Variants in ATP2A1 observed in about 807,000 individuals in gnomAD.
ATP2A1 encodes the protein sarcoplasmic/endoplasmic reticulum calcium ATPase 1.
Under a neutral mutation model 109.5 loss-of-function variants are expected in ATP2A1, and 83 were observed. The ratio of observed to expected loss-of-function variants is 0.76; its 90% CI spans 0.63 to 0.91. The LOEUF (loss-of-function observed/expected upper bound fraction) is 0.91, where lower values mean the gene tolerates loss of function less well. ATP2A1 is among the 40% of genes least tolerant of loss of function. The pLI is 0.00. For synonymous variants in ATP2A1, 505 were observed against 537.6 expected (o/e 0.94, Z 0.84); for missense variants, 1,101 against 1,341.0 (o/e 0.82, Z 2.80).
rs142994822 is a variant in ATP2A1 at position 28,898,999 on chromosome 16, A to AAC, written c.1764+566_1764+567dup. Among the ~76,000 whole-genome samples, 3,328 of 150,604 alleles carry AAC rather than the reference A, an allele frequency of 0.022. 117 individuals are homozygous for AAC. The highest frequency in any genetic ancestry group is 0.072 in the African/African-American group (2,944 of 41,066). ...CCTGTCTCTAAAAACAAAAAACAAA[A>AAC]ACACACACACACACACACAAAAGAG... On this transcript the variant is annotated intron_variant, in intron 14 of 22. Transcript: ENST00000395503. The surrounding 1 kb of genome is among the most constrained non-coding windows in gnomAD (Gnocchi z 4.0).
chr16:28,903,676 G>A lies in ATP2A1; in HGVS notation c.2981-24G>A, dbSNP rs760841402. 22 of 1,609,296 alleles carry A rather than the reference G, an allele frequency of 1.4e-5. No homozygotes were observed. Among genetic ancestry groups the A allele is most frequent in the East Asian group, 2.2e-5 (1 of 44,842 alleles). On this transcript the variant is annotated intron_variant, in intron 21 of 22. Transcript: ENST00000395503. The surrounding 1 kb of genome is among the most constrained non-coding windows in gnomAD (Gnocchi z 5.6). ...GCCACCTCCCTGCCTTGATAACAGTGCCTCTTGTCCTCTCTGGCCATAGGA... is the reference window on the plus strand; with the variant it reads ...GCCACCTCCCTGCCTTGATAACAGTACCTCTTGTCCTCTCTGGCCATAGGA...
Position 28,880,068 on chromosome 16 carries a change from T to G in ATP2A1, c.219+485T>G. 1 of 1,004,266 alleles carries G rather than the reference T, an allele frequency of 1.0e-6. No individual in the cohort carries two copies. 62.2% of individuals were successfully genotyped at this position (1,004,266 alleles called of 1,614,324 possible). A position where few individuals can be genotyped will look rare whatever the true frequency, so the allele number is the denominator to read the frequency against. On this transcript the variant is annotated intron_variant, in intron 3 of 22. Transcript: ENST00000395503. This position sits in a 1 kb window ranked among gnomAD's most constrained non-coding sequence, Gnocchi z 4.2. Reference sequence around the variant, plus strand: ...GTGGCGGGAAAGCGCGGCGGTGTGATGATGACTCCAAGGAGCCCGGCGCCC... The same window carrying G: ...GTGGCGGGAAAGCGCGGCGGTGTGAGGATGACTCCAAGGAGCCCGGCGCCC...
chr16:28,900,606 T>C lies in ATP2A1; in HGVS notation c.1790T>C (p.Val597Ala), dbSNP rs1964045124. ...YETDLTFVGV[V>A]GMLDPPRKEV... ...ACGGACCTGACATTCGTGGGTGTAG[T>C]GGGCATGCTGGACCCTCCGCGCAAG... The change falls in exon 15 of 23, where the codon GTG (valine) becomes GCG (alanine). Residue 597 changes from valine (V) to alanine (A), a missense_variant. Val to Ala is a moderately conservative substitution (Grantham distance 64). Transcript: ENST00000395503. 2 of 1,577,176 alleles carry C rather than the reference T, an allele frequency of 1.3e-6. No homozygotes were observed. Among genetic ancestry groups the C allele is most frequent in the African/African-American group, 1.3e-5 (1 of 74,448 alleles).
chr16:28,882,241 G>A (rs1250086193), intron 4 of ATP2A1, among the ~76,000 whole-genome samples: 1 of 151,624 alleles, frequency 6.6e-6, no homozygotes, highest in African/African-American at 2.4e-5. Flanking sequence ...TTACAGGCGT[G>A]AGTCACCATG....
rs1177359868 is a variant in ATP2A1, at chr16:28,878,625, C to T, written c.-47C>T. On this transcript the variant is annotated 5_prime_UTR_variant, in exon 1 of 23. Transcript: ENST00000395503. ...GAGGAAGACCCCCCACGAGTGGGAA[C>T]CCCCTGGAAGGAACACACCGGCCCC... is the stretch of plus-strand genomic sequence containing the variant. The T allele has an allele frequency of 2.7e-6, 4 of 1,507,398 alleles. No homozygotes were observed. The highest frequency in any genetic ancestry group is 3.8e-5 in the Admixed American group (2 of 51,996). 93.4% of individuals were successfully genotyped at this position (1,507,398 alleles called of 1,614,324 possible).
Position 28,898,599 on chromosome 16 carries a change from T to A in ATP2A1, c.1764+148T>A. 1 of 995,322 alleles carries A rather than the reference T, an allele frequency of 1.0e-6. No homozygotes were observed. The highest frequency in any genetic ancestry group is 1.6e-5 in the African/African-American group (1 of 61,912). 61.7% of individuals were successfully genotyped at this position (995,322 alleles called of 1,614,324 possible). Reference sequence around the variant, plus strand: ...TACAGGCCATGGAATCACAGGACAGTAGAGTTTCAGAGAACCTTGGGAGGC... The same window carrying A: ...TACAGGCCATGGAATCACAGGACAGAAGAGTTTCAGAGAACCTTGGGAGGC... On this transcript the variant is annotated intron_variant, in intron 14 of 22. Transcript: ENST00000395503. The surrounding 1 kb of genome is among the most constrained non-coding windows in gnomAD (Gnocchi z 4.0).
At chr16:28,888,565 C>T (rs1285011904) in intron 8 of ATP2A1, among the ~76,000 whole-genome samples, 1 of 151,928 alleles carries the variant, frequency 6.6e-6, no homozygotes, top group Non-Finnish European at 1.5e-5. Flanking sequence ...ATCACCACCA[C>T]ACCCAGCTAA....
Position 28,898,343 on chromosome 16 carries a change from G to A in ATP2A1, c.1656G>A (p.Trp552Ter). The change falls in exon 14 of 23, where the codon TGG (tryptophan) becomes TGA (stop). Residue 552 changes from tryptophan (W) to a stop codon, truncating the protein, a stop_gained. Coordinates refer to ENST00000395503, the MANE Select transcript of ATP2A1 (RefSeq NM_004320.6). LOFTEE classifies it high-confidence loss of function. This position sits in a 1 kb window ranked among gnomAD's most constrained non-coding sequence, Gnocchi z 4.0. ...KEKIMAVIKE[W>*]GTGRDTLRCL... ...AGATCATGGCGGTGATCAAGGAGTG[G>A]GGCACTGGCCGGGACACCCTGCGCT... The A allele has an allele frequency of 6.2e-7, 1 of 1,614,206 alleles. No individual in the cohort carries two copies. Among genetic ancestry groups the A allele is most frequent in the Non-Finnish European group, 8.5e-7 (1 of 1,180,046 alleles).
rs202155490 is a variant in ATP2A1 at position 28,884,627 on chromosome 16, G to C, written c.516G>C (p.Thr172=). 4.3e-6 allele frequency: 7 copies of C among 1,613,722 alleles called. No individual in the cohort carries two copies. The highest frequency in any genetic ancestry group is 3.3e-4 in the Middle Eastern group (2 of 6,062). ...GAATCCTCGCCATCAAATCCACCACGCTGCGGGTTGACCAGTCCATCCTGA... is the reference window on the plus strand; with the variant it reads ...GAATCCTCGCCATCAAATCCACCACCCTGCGGGTTGACCAGTCCATCCTGA... ...DIRILAIKST[T]LRVDQSILTG... The change falls in exon 6 of 23, where the codon ACG becomes ACC. Residue 172 remains threonine, a synonymous_variant. Coordinates refer to ENST00000395503, the MANE Select transcript of ATP2A1 (RefSeq NM_004320.6).
chr16:28,886,484 G>A (rs1963615902), intron 6 of ATP2A1, among the ~76,000 whole-genome samples: 1 of 152,144 alleles, frequency 6.6e-6, no homozygotes, highest in African/African-American at 2.4e-5. Context: ...AGGGAGGCAT[G>A]GTCGTAAGTG....
At position 28,894,304 on chromosome 16, in the gene ATP2A1, C is replaced by T; in HGVS notation, c.1184+61C>T. 5.3e-6 allele frequency: 8 copies of T among 1,513,090 alleles called. No individual in the cohort carries two copies. In the South Asian group the frequency reaches 9.2e-5, roughly 17 times the overall value. 93.7% of individuals were successfully genotyped at this position (1,513,090 alleles called of 1,614,324 possible). A position where few individuals can be genotyped will look rare whatever the true frequency, so the allele number is the denominator to read the frequency against. On this transcript the variant is annotated intron_variant, in intron 10 of 22. Coordinates refer to ENST00000395503, the MANE Select transcript of ATP2A1 (RefSeq NM_004320.6). ...CGCCCCTTCCCACACCCCCTTTCTC[C>T]CTGGGGCCCTCCATGTGGTTTTGCT... is the stretch of plus-strand genomic sequence containing the variant.
chr16:28,878,779 C>A lies in ATP2A1; in HGVS notation c.108C>A (p.Tyr36Ter). 2 of 1,613,898 alleles carry A rather than the reference C, an allele frequency of 1.2e-6. No homozygotes were observed. Among genetic ancestry groups the A allele is most frequent in the Non-Finnish European group, 1.7e-6 (2 of 1,179,900 alleles). The change falls in exon 1 of 23, where the codon TAC (tyrosine) becomes TAA (stop). Residue 36 changes from tyrosine to a stop codon, truncating the protein, a stop_gained. Coordinates refer to ENST00000395503, the MANE Select transcript of ATP2A1 (RefSeq NM_004320.6). LOFTEE classifies it high-confidence loss of function. ...PDQVKRNLEK[Y>*]GLNELPAEEG... ...AAGTTAAGCGGAATCTGGAGAAATACGGCCTCAATGGTAAGTGTCCCTTGG... is the reference window on the plus strand; with the variant it reads ...AAGTTAAGCGGAATCTGGAGAAATAAGGCCTCAATGGTAAGTGTCCCTTGG...
At chr16:28,890,335 G>A (rs1963734873) in intron 9 of ATP2A1, among the ~76,000 whole-genome samples, 1 of 149,854 alleles carries the variant, frequency 6.7e-6, no homozygotes, top group Non-Finnish European at 1.5e-5. Context: ...ATGTGGTGGT[G>A]CACACTTGTA....
chr16:28,879,869 G>A, intron 3 of ATP2A1: 1 of 576,988 alleles, frequency 1.7e-6, no homozygotes, highest in Non-Finnish European at 2.5e-6. Context: ...TTACCCACCC[G>A]AACTCCGGGC....
chr16:28,903,711 C>T lies in ATP2A1; in HGVS notation c.*7C>T. 1.9e-6 allele frequency: 3 copies of T among 1,613,564 alleles called. No individual in the cohort carries two copies. Among genetic ancestry groups the T allele is most frequent in the East Asian group, 2.2e-5 (1 of 44,864 alleles). ...CTCTCTGGCCATAGGATAACTGTTCCCCCTCCTCCATCTCTGAGCCCGTGT... is the reference window on the plus strand; with the variant it reads ...CTCTCTGGCCATAGGATAACTGTTCTCCCTCCTCCATCTCTGAGCCCGTGT... On this transcript the variant is annotated 3_prime_UTR_variant, in exon 22 of 23. Transcript: ENST00000395503. The surrounding 1 kb of genome is among the most constrained non-coding windows in gnomAD (Gnocchi z 5.6).
chr16:28,902,528 A>G lies in ATP2A1; in HGVS notation c.2525-52A>G. The stretch of plus-strand genomic sequence containing the variant: ...GGCCACATGAGGCCCTCAACCCTCG[A>G]TGCCCCCTATCTCCCCAGCCCTGAC... On this transcript the variant is annotated intron_variant, in intron 17 of 22. Transcript: ENST00000395503. The surrounding 1 kb of genome is among the most constrained non-coding windows in gnomAD (Gnocchi z 4.8). The G allele has an allele frequency of 6.3e-7, 1 of 1,591,560 alleles. No homozygotes were observed. The highest frequency in any genetic ancestry group is 8.6e-7 in the Non-Finnish European group (1 of 1,163,180).
chr16:28,882,498 A>C lies in ATP2A1; in HGVS notation c.372A>C (p.Pro124=), dbSNP rs376226293. 1.9e-6 allele frequency: 3 copies of C among 1,614,100 alleles called. No homozygotes were observed. Among genetic ancestry groups the C allele is most frequent in the Non-Finnish European group, 2.5e-6 (3 of 1,180,038 alleles). The change falls in exon 5 of 23, where the codon CCA becomes CCC. Residue 124 remains proline (P), a synonymous_variant. Transcript: ENST00000395503. The part of the protein sequence containing the change: ...NAIEALKEYE[P]EMGKVYRADR... ...TCGAGGCCCTGAAGGAGTATGAGCC[A>C]GAGATGGGGAAGGTCTACCGGGCTG...
chr16:28,890,460 T>A (rs1963737066), intron 9 of ATP2A1, among the ~76,000 whole-genome samples: 1 of 151,768 alleles, frequency 6.6e-6, no homozygotes, highest in Non-Finnish European at 1.5e-5. Flanking sequence ...CCAGCCTGCA[T>A]GACAGAGCGA....
chr16:28,888,534 G>A (rs1338831673), intron 8 of ATP2A1, among the ~76,000 whole-genome samples: 1 of 151,954 alleles, frequency 6.6e-6, no homozygotes, highest in East Asian at 1.9e-4. Flanking sequence ...CCAGCCTCCT[G>A]GGTAACTGGT....
Sources: allele counts gnomAD v4.1 joint callset (sites outside exome capture counted in the v4.1 genomes callset), GRCh38; gene constraint gnomAD v4.1.1; non-coding constraint Gnocchi (gnomAD v3.1); transcripts MANE v1.5; gene names NCBI Gene and HGNC (gene_info 2026-07-23, HGNC 2026-07-21).